Variants in IGSF21 observed in about 807,000 individuals in gnomAD.
IGSF21 encodes the protein immunoglobin superfamily member 21, also known as immunoglobulin superfamily member 21.
In IGSF21, 28 loss-of-function variants were observed where a neutral mutation model predicts 46.8. The observed-to-expected ratio is 0.60, with a 90% CI of 0.44 to 0.82. The LOEUF is 0.82. Among genes scored for constraint, IGSF21 ranks in the 40% least tolerant of loss-of-function variants. The pLI, the probability that IGSF21 is intolerant of heterozygous loss-of-function variation, is 0.00. For synonymous variants in IGSF21, 284 were observed against 273.6 expected (o/e 1.04, Z -0.38); for missense variants, 624 against 665.5 (o/e 0.94, Z 0.69).
At chr1:18,315,173 C>G (rs973150270) in intron 3 of IGSF21, among the ~76,000 whole-genome samples, 5 of 152,138 alleles carry the variant, frequency 3.3e-5, no homozygotes, top group African/African-American at 9.7e-5. Flanking sequence ...CATCTCTGCT[C>G]TCCAGGGCAG....
chr1:18,158,495 C>T (rs542172615), intron 1 of IGSF21, among the ~76,000 whole-genome samples: 1 of 152,134 alleles, frequency 6.6e-6, no homozygotes, highest in African/African-American at 2.4e-5. Context: ...CACTTCTGCC[C>T]ACCCACCCAG....
chr1:18,135,053 T>G (rs2086357009), intron 1 of IGSF21, among the ~76,000 whole-genome samples: 1 of 152,198 alleles, frequency 6.6e-6, no homozygotes, highest in East Asian at 1.9e-4. Flanking sequence ...ATTGAGCTCC[T>G]GTTACAGATG....
rs929081184 is a variant in IGSF21 at position 18,173,217 on chromosome 1, G to A, written c.71-54681G>A. Among the ~76,000 whole-genome samples the A allele has an allele frequency of 5.3e-5, 8 of 152,298 alleles. No homozygotes were observed. The East Asian group carries it at 1.5e-3, about 29-fold the overall frequency. ...GCAGGAGAATGGCGTGAACCCGGGA[G>A]GCGGAGCTTGCAGTGAGCTGAGATC... On this transcript the variant is annotated intron_variant, in intron 1 of 9. Coordinates refer to ENST00000251296, the MANE Select transcript of IGSF21 (RefSeq NM_032880.5).
chr1:18,307,429 T>C (rs1007529572), intron 3 of IGSF21, among the ~76,000 whole-genome samples: 1 of 152,186 alleles, frequency 6.6e-6, no homozygotes, highest in Non-Finnish European at 1.5e-5. Flanking sequence ...ACACATCGAC[T>C]CATCTATCCT....
intron 3 of IGSF21, among the ~76,000 whole-genome samples, chr1:18,325,469 G>A (rs182776396): frequency 4.7e-4 from 72 of 152,162 alleles, no homozygotes; most frequent in Admixed American, 1.8e-3. Flanking sequence ...CAGCAGCAGC[G>A]GTACCTGGTG....
At chr1:18,294,899 G>A (rs537465009) in intron 3 of IGSF21, among the ~76,000 whole-genome samples, 18 of 152,352 alleles carry the variant, frequency 1.2e-4, no homozygotes, top group African/African-American at 2.9e-4. Context: ...GACGGGGCGC[G>A]GGACTCCGCA....
At chr1:18,228,823 T>G (rs543416255) in intron 2 of IGSF21, among the ~76,000 whole-genome samples, 1 of 152,316 alleles carries the variant, frequency 6.6e-6, no homozygotes, top group Non-Finnish European at 1.5e-5. Context: ...AGATTGTAAA[T>G]ATTCTCCTGT....
At chr1:18,331,542 G>A (rs2085713534) in intron 3 of IGSF21, among the ~76,000 whole-genome samples, 1 of 152,180 alleles carries the variant, frequency 6.6e-6, no homozygotes, top group South Asian at 2.1e-4. Context: ...CCGTATTTTT[G>A]CAATTGCAAA....
intron 2 of IGSF21, among the ~76,000 whole-genome samples, chr1:18,265,960 G>A (rs1311359352): frequency 6.6e-6 from 1 of 152,170 alleles, no homozygotes; most frequent in African/African-American, 2.4e-5. Flanking sequence ...GCCCACTGAG[G>A]GAGAGGCTTT....
At chr1:18,342,095 T>C (rs1345862306) in intron 4 of IGSF21, among the ~76,000 whole-genome samples, 1 of 151,576 alleles carries the variant, frequency 6.6e-6, no homozygotes, top group Non-Finnish European at 1.5e-5. Context: ...GTTTGCTCTG[T>C]TTTGTTTTGT....
intron 3 of IGSF21, among the ~76,000 whole-genome samples, chr1:18,305,495 TG>T (rs557840257): frequency 4.4e-5 from 6 of 135,630 alleles, no homozygotes; most frequent in African/African-American, 1.9e-4. Flanking sequence ...GGATGATGGA[TG>T]GATGGATGGA....
chr1:18,121,474 G>A (rs986715693), intron 1 of IGSF21, among the ~76,000 whole-genome samples: 2 of 152,096 alleles, frequency 1.3e-5, no homozygotes, highest in African/African-American at 4.8e-5. Flanking sequence ...TGACTTTGAT[G>A]AGGACTAATT....
At chr1:18,181,884 C>T (rs567656773) in intron 1 of IGSF21, among the ~76,000 whole-genome samples, 215 of 152,194 alleles carry the variant, frequency 1.4e-3, no homozygotes, top group Non-Finnish European at 2.1e-3. Context: ...AGAGGGACGG[C>T]GGGCTGTGTT....
At chr1:18,320,628 C>T (rs568358195) in intron 3 of IGSF21, among the ~76,000 whole-genome samples, 4 of 152,184 alleles carry the variant, frequency 2.6e-5, no homozygotes, top group Non-Finnish European at 5.9e-5. Flanking sequence ...CTGGAGTCAT[C>T]GGTCCTGCTC....
intron 1 of IGSF21, among the ~76,000 whole-genome samples, chr1:18,148,128 C>CTT (rs1166302717): frequency 2.8e-5 from 2 of 71,748 alleles, no homozygotes; most frequent in South Asian, 7.2e-4. Context: ...ACAAGTATGT[C>CTT]CTTTTTTTTT....
At chr1:18,178,493 C>T (rs1337201495) in intron 1 of IGSF21, among the ~76,000 whole-genome samples, 1 of 152,164 alleles carries the variant, frequency 6.6e-6, no homozygotes, top group Non-Finnish European at 1.5e-5. Context: ...GATAATACTG[C>T]AGAACTATTA....
chr1:18,259,109 G>A (rs1391726048), intron 2 of IGSF21, among the ~76,000 whole-genome samples: 2 of 152,226 alleles, frequency 1.3e-5, no homozygotes, highest in Non-Finnish European at 2.9e-5. Flanking sequence ...AGTAAAAGGA[G>A]AAAGATTACT....
chr1:18,225,085 T>TCTCTCTCTCTCTCTCTCCCACACACACA, intron 1 of IGSF21, among the ~76,000 whole-genome samples: 1 of 51,580 alleles, frequency 1.9e-5, no homozygotes, highest in Non-Finnish European at 4.0e-5. Flanking sequence ...TCTCTCTCTC[T>TCTCTCTCTCTCTCTCTCCCACACACACA]CACACACACA....
intron 1 of IGSF21, among the ~76,000 whole-genome samples, chr1:18,206,703 T>C (rs1570336380): frequency 6.6e-6 from 1 of 151,766 alleles, no homozygotes; most frequent in Non-Finnish European, 1.5e-5. Context: ...GAGGCTGGAG[T>C]GAGAGCTGGG....
Sources: gnomAD v4.1 joint callset for allele counts (sites outside exome capture counted in the v4.1 genomes callset) on GRCh38, gnomAD v4.1.1 for gene constraint, MANE v1.5 for transcripts, NCBI Gene and HGNC (gene_info 2026-07-23, HGNC 2026-07-21) for gene names.